Variants in NPC1 observed in about 807,000 individuals in gnomAD.
NPC1 encodes the protein NPC intracellular cholesterol transporter 1, also known as Niemann-Pick C1 protein.
In NPC1, 85 loss-of-function variants were observed where a neutral mutation model predicts 140.4. The ratio of observed to expected loss-of-function variants is 0.61; its 90% CI spans 0.51 to 0.72. NPC1 has a LOEUF of 0.72. Ranked by LOEUF, NPC1 falls within the 30% of genes least tolerant of loss-of-function variation. The pLI, the probability that NPC1 is intolerant of heterozygous loss-of-function variation, is 0.00. For synonymous variants in NPC1, 656 were observed against 624.8 expected, an observed-to-expected ratio of 1.05 and a Z score of -0.74; for missense variants, 1,504 against 1,623.8, an observed-to-expected ratio of 0.93 and a Z score of 1.27.
intron 3 of NPC1, chr18:23,507,944 C>A: frequency 6.3e-7 from 1 of 1,595,740 alleles, no homozygotes; most frequent in Admixed American, 1.7e-5. Flanking sequence ...AGTATGCTGC[C>A]TAATCCAAAT....
In NPC1 at chr18:23,536,721, G is replaced by A; in HGVS notation, c.3197C>T (p.Thr1066Ile). 6.2e-7 allele frequency: 1 copy of A among 1,614,182 alleles called. No homozygotes were observed. The highest frequency in any genetic ancestry group is 8.5e-7 in the Non-Finnish European group (1 of 1,180,036). ...KKARLIASNV[T>I]ETMGINGSAY... is the part of the protein sequence containing the mutation. ...ACTGCCGTTAATGCCCATGGTTTCG[G>A]TGACATTACTGGCTATAAGTCGGGC... is the stretch of plus-strand genomic sequence containing the variant. Residue 1066 changes from threonine to isoleucine, a missense_variant, in exon 21 of 25, where the codon ACC (threonine) becomes ATC (isoleucine). Physicochemically the swap from Thr to Ile is moderately conservative, Grantham distance 89. Coordinates refer to ENST00000269228, the MANE Select transcript of NPC1 (RefSeq NM_000271.5).
At chr18:23,583,742 T>G (rs546157114) in intron 1 of NPC1, among the ~76,000 whole-genome samples, 1 of 152,304 alleles carries the variant, frequency 6.6e-6, no homozygotes, top group South Asian at 2.1e-4. Flanking sequence ...TAACAAACAC[T>G]GGAGGAATAC....
At position 23,560,410 on chromosome 18, in the gene NPC1, G is replaced by A. The variant is rs1466915146; in HGVS notation, c.702C>T (p.Val234=). Residue 234 remains valine (V), a synonymous_variant, in exon 6 of 25, where the codon GTC becomes GTT. Coordinates refer to ENST00000269228, the MANE Select transcript of NPC1 (RefSeq NM_000271.5). The part of the protein sequence containing the change: ...TKGCDESVDE[V]TAPCSCQDCS... ...AGTCTTGGCAGCTACATGGTGCTGT[G>A]ACCTCATCCACAGACTCGTCACAGC... 1.9e-6 allele frequency: 3 copies of A among 1,614,172 alleles called. No individual in the cohort carries two copies. Among genetic ancestry groups the A allele is most frequent in the African/African-American group, 2.7e-5 (2 of 75,058 alleles).
Position 23,543,514 on chromosome 18 carries a change from C to T in NPC1, c.2186G>A (p.Gly729Glu), listed in dbSNP as rs2058741298. 1 of 1,612,640 alleles carries T rather than the reference C, an allele frequency of 6.2e-7. No homozygotes were observed. Among genetic ancestry groups the T allele is most frequent in the Non-Finnish European group, 8.5e-7 (1 of 1,179,500 alleles). The change falls in exon 14 of 25, where the codon GGA (glycine) becomes GAA (glutamate). Residue 729 changes from glycine to glutamate, a missense_variant. Coordinates refer to ENST00000269228, the MANE Select transcript of NPC1 (RefSeq NM_000271.5). ...CAGGAACATACTGGGAGCCACTTCT[C>T]CTAGGACCCTGCCCAGCTGCTGATC... ...TLDQQLGRVL[G>E]EVAPSMFLSS...
At chr18:23,575,769 CA>C (rs35922440) in intron 1 of NPC1, among the ~76,000 whole-genome samples, 3,949 of 34,848 alleles carry the variant, frequency 0.11, 76 homozygotes, top group African/African-American at 0.26. Flanking sequence ...CAGAGAAGAC[CA>C]AAAAAAAAAA....
chr18:23,556,670 AG>A, intron 7 of NPC1, 57 bp from the exon 8 acceptor site: 1 of 1,602,886 alleles, frequency 6.2e-7, no homozygotes, highest in Non-Finnish European at 8.5e-7. Context: ...CGTTCCTGAA[AG>A]TCGGAACAGG....
Position 23,531,794 on chromosome 18 carries a change from GTATC to G in NPC1, c.*404_*407del. The G allele has an allele frequency of 6.5e-7, 1 of 1,541,648 alleles. No individual in the cohort carries two copies. The highest frequency in any genetic ancestry group is 8.7e-7 in the Non-Finnish European group (1 of 1,152,316). On this transcript the variant is annotated 3_prime_UTR_variant, in exon 25 of 25. Coordinates refer to ENST00000269228, the MANE Select transcript of NPC1 (RefSeq NM_000271.5). The stretch of plus-strand genomic sequence containing the variant: ...TTTAAACTATAAAATGTTATAAAGT[GTATC>G]TACAACCTCAACTGTCACTAAAAAT...
At position 23,549,742 on chromosome 18, in the gene NPC1, C is replaced by CTTTTTTT. The variant is rs1000073339; in HGVS notation, c.1655-1641_1655-1635dup. 4.3e-5 allele frequency among the ~76,000 whole-genome samples: 6 copies of CTTTTTTT among 138,006 alleles called. 1 individual carries two copies. The highest frequency in any genetic ancestry group is 1.6e-4 in the African/African-American group (6 of 36,588). 90.5% of individuals were successfully genotyped at this position (138,006 alleles called of 152,430 possible). On this transcript the variant is annotated intron_variant, in intron 10 of 24. Transcript: ENST00000269228. ...CAGGTTGTTGATCTTTTTTTCACAA[C>CTTTTTTT]TTTTTTTTTTTTTTTTAAGACGGAG...
At position 23,532,308 on chromosome 18, in the gene NPC1, T is replaced by G. The variant is rs2058539049; in HGVS notation, c.3755-24A>C. ...CCCTATGAGAGAGAGAGACTTTTTCTTATTTCTGCAGGAGAAAGGGAGCTA... is the reference window on the plus strand; with the variant it reads ...CCCTATGAGAGAGAGAGACTTTTTCGTATTTCTGCAGGAGAAAGGGAGCTA... On this transcript the variant is annotated intron_variant, in intron 24 of 24. Transcript: ENST00000269228. 1.9e-6 allele frequency: 3 copies of G among 1,613,954 alleles called. No homozygotes were observed. The East Asian group carries it at 6.7e-5, about 36-fold the overall frequency.
rs548491744 is a variant in NPC1 at position 23,576,314 on chromosome 18, C to T, written c.58-2740G>A. 3.9e-5 allele frequency among the ~76,000 whole-genome samples: 6 copies of T among 152,048 alleles called. No individual in the cohort carries two copies. In the South Asian group the frequency reaches 8.3e-4, roughly 21 times the overall value. On this transcript the variant is annotated intron_variant, in intron 1 of 24. Coordinates refer to ENST00000269228, the MANE Select transcript of NPC1 (RefSeq NM_000271.5). ...CACATGCCCATAGTCCCAGCTACTCCGGAGGCTGAGCTGGGAAGATCAGCT... is the reference window on the plus strand; with the variant it reads ...CACATGCCCATAGTCCCAGCTACTCTGGAGGCTGAGCTGGGAAGATCAGCT...
downstream of NPC1, chr18:23,530,726 G>A (rs1217910144): frequency 8.7e-6 from 8 of 921,900 alleles, no homozygotes; most frequent in African/African-American, 1.3e-4. Flanking sequence ...AACACAATTT[G>A]ATAACAGCCC....
chr18:23,506,869 T>A, intron 3 of NPC1: 1 of 793,506 alleles, frequency 1.3e-6, no homozygotes, highest in Non-Finnish European at 2.1e-6. Context: ...AGACTAGAAT[T>A]TGCTGCCTCC....
At position 23,541,048 on chromosome 18, in the gene NPC1, A is replaced by C; in HGVS notation, c.2514+20T>G. 6.2e-7 allele frequency: 1 copy of C among 1,613,954 alleles called. No homozygotes were observed. Among genetic ancestry groups the C allele is most frequent in the Non-Finnish European group, 8.5e-7 (1 of 1,179,840 alleles). Reference sequence around the variant, plus strand: ...CTGTTTCAGTGAGAGGAAAGAGAAAAACCACAGATAAGCGCATACCACAAT... The same window carrying C: ...CTGTTTCAGTGAGAGGAAAGAGAAACACCACAGATAAGCGCATACCACAAT... On this transcript the variant is annotated intron_variant, in intron 16 of 24. Coordinates refer to ENST00000269228, the MANE Select transcript of NPC1 (RefSeq NM_000271.5).
chr18:23,507,568 G>A (rs2057747322), intron 3 of NPC1, among the ~76,000 whole-genome samples: 2 of 152,170 alleles, frequency 1.3e-5, no homozygotes, highest in Admixed American at 6.5e-5. Context: ...ACTTTAGCCC[G>A]TGTAAATGTT....
At chr18:23,527,862 G>C, downstream of NPC1, 1 of 1,614,106 alleles carries the variant, frequency 6.2e-7, no homozygotes, top group Non-Finnish European at 8.5e-7. Context: ...TCAACCATGA[G>C]TATAAAAAGT....
rs1261224661 is a variant in NPC1 at position 23,556,783 on chromosome 18, G to T, written c.956-170C>A. 3 of 1,038,884 alleles carry T rather than the reference G, an allele frequency of 2.9e-6. No homozygotes were observed. In the African/African-American group the frequency reaches 4.8e-5, roughly 16 times the overall value. 64.4% of individuals were successfully genotyped at this position (1,038,884 alleles called of 1,614,324 possible). On this transcript the variant is annotated intron_variant, in intron 7 of 24. Transcript: ENST00000269228. ...CTATCTGCTCAGCAAAGCCACCTTT[G>T]TTGGCTGCCCTCAATGAGCGCTATT...
downstream of NPC1, among the ~76,000 whole-genome samples, chr18:23,519,693 A>G (rs1245605070): frequency 6.6e-6 from 1 of 152,186 alleles, no homozygotes; most frequent in African/African-American, 2.4e-5. Context: ...CTAACGCTTG[A>G]GATTTGACCT....
Position 23,555,041 on chromosome 18 carries a change from T to C in NPC1, c.1327-57A>G. The stretch of plus-strand genomic sequence containing the variant: ...AGAAACACGTCACATTTCTCTCAGA[T>C]CTTGATTAATCAGCATTGCCCTGAG... On this transcript the variant is annotated intron_variant, in intron 8 of 24. Coordinates refer to ENST00000269228, the MANE Select transcript of NPC1 (RefSeq NM_000271.5). 8 of 1,109,380 alleles carry C rather than the reference T, an allele frequency of 7.2e-6. No individual in the cohort carries two copies. In the Admixed American group the frequency reaches 1.5e-4, roughly 20 times the overall value. 68.7% of individuals were successfully genotyped at this position (1,109,380 alleles called of 1,614,324 possible).
chr18:23,506,881 G>C, intron 3 of NPC1: 1 of 919,136 alleles, frequency 1.1e-6, no homozygotes, highest in Non-Finnish European at 1.7e-6. Flanking sequence ...GCTGCCTCCT[G>C]AATATAGATT....
Sources: gnomAD v4.1 joint callset for allele counts (sites outside exome capture counted in the v4.1 genomes callset) on GRCh38, gnomAD v4.1.1 for gene constraint, MANE v1.5 for transcripts, NCBI Gene and HGNC (gene_info 2026-07-23, HGNC 2026-07-21) for gene names.